The following PLCB1 variants were observed in gnomAD, a reference collection of about 807,000 sequenced individuals.
The protein encoded by PLCB1 is 1-phosphatidylinositol 4,5-bisphosphate phosphodiesterase beta-1.
A neutral mutation model predicts 161.8 loss-of-function variants in PLCB1; 46 were observed. That is an observed-to-expected ratio of 0.28 (90% confidence interval 0.22 to 0.36). The LOEUF (loss-of-function observed/expected upper bound fraction) is 0.36, where lower values mean the gene tolerates loss of function less well. Ranked by LOEUF, PLCB1 falls within the 10% of genes least tolerant of loss-of-function variation. The pLI is 1.00. For synonymous variants in PLCB1, 517 were observed against 503.7 expected (o/e 1.03, Z -0.35); for missense variants, 1,016 against 1,472.5 (o/e 0.69, Z 5.07).
At chr20:8,826,988 T>G (rs1459861775) in intron 31 of PLCB1, among the ~76,000 whole-genome samples, 1 of 152,072 alleles carries the variant, frequency 6.6e-6, no homozygotes, top group African/African-American at 2.4e-5. Flanking sequence ...ATTATCACTT[T>G]GCGTATTTCA....
chr20:8,822,127 GGCCGC>G (rs1338847321), intron 31 of PLCB1, among the ~76,000 whole-genome samples: 1 of 151,794 alleles, frequency 6.6e-6, no homozygotes, highest in East Asian at 1.9e-4. Context: ...CCCACACAGG[GGCCGC>G]GTCTCTGTTA....
intron 31 of PLCB1, among the ~76,000 whole-genome samples, chr20:8,830,348 C>A (rs1985923925): frequency 6.6e-6 from 1 of 152,208 alleles, no homozygotes; most frequent in South Asian, 2.1e-4. Context: ...GAGCTTTATC[C>A]AGAAGACAGG....
At chr20:8,378,416 C>T (rs139347823) in intron 3 of PLCB1, among the ~76,000 whole-genome samples, 317 of 152,300 alleles carry the variant, frequency 2.1e-3, no homozygotes, top group Non-Finnish European at 3.7e-3. Context: ...GTTATGATTA[C>T]ACTATACTGT....
In PLCB1 at chr20:8,850,460, A is replaced by G. The variant is rs539948241; in HGVS notation, c.3424-31162A>G. Among the ~76,000 whole-genome samples, 3 of 152,360 alleles carry G rather than the reference A, an allele frequency of 2.0e-5. No homozygotes were observed. The South Asian group carries it at 6.2e-4, about 32-fold the overall frequency. On this transcript the variant is annotated intron_variant, in intron 31 of 31. Transcript: ENST00000338037. ...GATAAAAGGCTAAACTTCCCAAGGC[A>G]GTTGACTGGTGATTTTTCATTCTAA...
At chr20:8,203,379 A>G (rs1191364981) in intron 2 of PLCB1, among the ~76,000 whole-genome samples, 1 of 152,186 alleles carries the variant, frequency 6.6e-6, no homozygotes, top group Non-Finnish European at 1.5e-5. Flanking sequence ...ATTAGGATGG[A>G]GAAATTGTTT....
At chr20:8,381,566 C>T (rs1217687594) in intron 3 of PLCB1, among the ~76,000 whole-genome samples, 1 of 152,174 alleles carries the variant, frequency 6.6e-6, no homozygotes, top group Non-Finnish European at 1.5e-5. Context: ...ATGAATCCAT[C>T]TCATGCTGTG....
At chr20:8,794,559 C>G (rs1337103441) in intron 31 of PLCB1, among the ~76,000 whole-genome samples, 1 of 152,150 alleles carries the variant, frequency 6.6e-6, no homozygotes, top group African/African-American at 2.4e-5. Flanking sequence ...CATATTTCTT[C>G]CTGTTCTTCC....
intron 3 of PLCB1, among the ~76,000 whole-genome samples, chr20:8,443,453 A>T (rs1227573218): frequency 2.0e-5 from 3 of 152,222 alleles, no homozygotes; most frequent in African/African-American, 7.2e-5. Flanking sequence ...GTTAAAAATA[A>T]CTTTTACCAG....
At chr20:8,745,443 T>A (rs544713628) in intron 23 of PLCB1, among the ~76,000 whole-genome samples, 2 of 152,318 alleles carry the variant, frequency 1.3e-5, no homozygotes, top group East Asian at 3.9e-4. Flanking sequence ...AAAAATGTCA[T>A]TGGACTGCAA....
intron 3 of PLCB1, among the ~76,000 whole-genome samples, chr20:8,385,024 A>G (rs1987381797): frequency 6.6e-6 from 1 of 152,102 alleles, no homozygotes; most frequent in Non-Finnish European, 1.5e-5. Context: ...AGGGAACAGG[A>G]CCCATTTAAT....
intron 23 of PLCB1, among the ~76,000 whole-genome samples, chr20:8,746,533 A>G (rs992631449): frequency 2.0e-5 from 3 of 152,070 alleles, no homozygotes; most frequent in African/African-American, 7.2e-5. Context: ...TTTTCTCAAG[A>G]CAGGGTCTCA....
intron 11 of PLCB1, among the ~76,000 whole-genome samples, chr20:8,699,441 G>A (rs1193487259): frequency 6.6e-6 from 1 of 152,178 alleles, no homozygotes; most frequent in Non-Finnish European, 1.5e-5. Flanking sequence ...CTCAGTAGAT[G>A]GCAGAAGTGA....
chr20:8,549,220 G>A lies in PLCB1; in HGVS notation c.247-79074G>A, dbSNP rs1388611704. 2.0e-5 allele frequency among the ~76,000 whole-genome samples: 3 copies of A among 152,008 alleles called. 1 individual carries two copies. The East Asian group carries it at 5.8e-4, about 29-fold the overall frequency. On this transcript the variant is annotated intron_variant, in intron 3 of 31. Transcript: ENST00000338037. ...ATAAATATATATTTTTTTAAAACCTGCTTTGTCAGGTACTGTTACAGTTGA... is the reference window on the plus strand; with the variant it reads ...ATAAATATATATTTTTTTAAAACCTACTTTGTCAGGTACTGTTACAGTTGA...
intron 18 of PLCB1, among the ~76,000 whole-genome samples, chr20:8,730,756 G>C (rs1209785931): frequency 6.6e-6 from 1 of 151,160 alleles, no homozygotes; most frequent in Non-Finnish European, 1.5e-5. Context: ...AAAATTTTTT[G>C]TATTAAGTCC....
At chr20:8,358,396 C>T (rs574125126) in intron 2 of PLCB1, among the ~76,000 whole-genome samples, 3 of 151,980 alleles carry the variant, frequency 2.0e-5, no homozygotes, top group Non-Finnish European at 4.4e-5. Context: ...TTCCAGGCAC[C>T]CTCCAACATG....
At chr20:8,636,596 C>G (rs1988769249) in intron 4 of PLCB1, among the ~76,000 whole-genome samples, 1 of 152,244 alleles carries the variant, frequency 6.6e-6, no homozygotes, top group African/African-American at 2.4e-5. Context: ...ATTTCAGTCT[C>G]TCCCTTACAC....
intron 14 of PLCB1, among the ~76,000 whole-genome samples, chr20:8,720,602 A>G (rs972686076): frequency 9.9e-5 from 15 of 151,720 alleles, no homozygotes; most frequent in African/African-American, 3.7e-4. Flanking sequence ...AACTAGGGTA[A>G]CCTAAGATAT....
At chr20:8,692,730 T>G (rs1056284590) in intron 10 of PLCB1, among the ~76,000 whole-genome samples, 4 of 152,132 alleles carry the variant, frequency 2.6e-5, no homozygotes, top group Admixed American at 2.6e-4. Flanking sequence ...GATGACTGTG[T>G]ACCCTAAGCA....
intron 31 of PLCB1, among the ~76,000 whole-genome samples, chr20:8,862,151 G>A (rs1987279873): frequency 6.6e-6 from 1 of 152,094 alleles, no homozygotes; most frequent in Non-Finnish European, 1.5e-5. Context: ...AATACATTTA[G>A]TCTTGTTTTG....
Sources: allele counts gnomAD v4.1 joint callset (sites outside exome capture counted in the v4.1 genomes callset), GRCh38; gene constraint gnomAD v4.1.1; transcripts MANE v1.5; gene names NCBI Gene and HGNC (gene_info 2026-07-23, HGNC 2026-07-21).